Variants in TGFBRAP1 observed in about 807,000 individuals in gnomAD.
The protein encoded by TGFBRAP1 is transforming growth factor-beta receptor-associated protein 1.
Under a neutral mutation model 83.2 loss-of-function variants are expected in TGFBRAP1, and 20 were observed. The ratio of observed to expected loss-of-function variants is 0.24; its 90% CI spans 0.17 to 0.35. The LOEUF is 0.35. TGFBRAP1 is among the 10% of genes least tolerant of loss of function. The pLI is 1.00. For missense variants in TGFBRAP1, 950 were observed against 1,099.4 expected, an observed-to-expected ratio of 0.86 and a Z score of 1.92; for synonymous variants, 415 against 459.8, an observed-to-expected ratio of 0.90 and a Z score of 1.25.
intron 8 of TGFBRAP1, among the ~76,000 whole-genome samples, chr2:105,275,178 C>G (rs1483387418): frequency 6.6e-6 from 1 of 152,178 alleles, no homozygotes; most frequent in African/African-American, 2.4e-5. Flanking sequence ...AAGATCAAGT[C>G]CTTCAGGGCA....
At chr2:105,280,168 C>A (rs1407134342) in intron 6 of TGFBRAP1, among the ~76,000 whole-genome samples, 1 of 152,144 alleles carries the variant, frequency 6.6e-6, no homozygotes, top group East Asian at 1.9e-4. Flanking sequence ...CCCTCCAAGA[C>A]CCCTTCAAGG....
chr2:105,264,158 T>G (rs149477639), downstream of TGFBRAP1, among the ~76,000 whole-genome samples: 1 of 152,126 alleles, frequency 6.6e-6, no homozygotes, highest in Non-Finnish European at 1.5e-5. Flanking sequence ...AAAGGTAAAG[T>G]AGATAAGAAG....
At chr2:105,313,225 G>A (rs901584880) in intron 1 of TGFBRAP1, among the ~76,000 whole-genome samples, 1 of 152,202 alleles carries the variant, frequency 6.6e-6, no homozygotes, top group Non-Finnish European at 1.5e-5. Context: ...CATGGGGTGG[G>A]CGCCACAGAT....
At chr2:105,323,927 G>A in intron 1 of TGFBRAP1, among the ~76,000 whole-genome samples, 1 of 152,124 alleles carries the variant, frequency 6.6e-6, no homozygotes, top group East Asian at 1.9e-4. Flanking sequence ...CATGGGAATT[G>A]GAGGAGTTTA....
downstream of TGFBRAP1, among the ~76,000 whole-genome samples, chr2:105,260,062 T>C (rs1319797153): frequency 6.6e-6 from 1 of 152,248 alleles, no homozygotes; most frequent in African/African-American, 2.4e-5. Flanking sequence ...ACACTCTTGG[T>C]GACTACACTA....
chr2:105,278,124 CAACA>C (rs1411671547), intron 6 of TGFBRAP1, among the ~76,000 whole-genome samples: 7 of 143,136 alleles, frequency 4.9e-5, no homozygotes, highest in Non-Finnish European at 9.1e-5. Flanking sequence ...AGTTCAACAA[CAACA>C]AACAAACAAC....
At chr2:105,262,827 T>C (rs894810137), downstream of TGFBRAP1, among the ~76,000 whole-genome samples, 1 of 152,228 alleles carries the variant, frequency 6.6e-6, no homozygotes, top group African/African-American at 2.4e-5. Context: ...AAAAGTAGGC[T>C]TCATTAATTC....
At chr2:105,315,521 A>G (rs1008893844) in intron 1 of TGFBRAP1, among the ~76,000 whole-genome samples, 4 of 152,234 alleles carry the variant, frequency 2.6e-5, no homozygotes, top group Admixed American at 2.6e-4. Flanking sequence ...CAAACTAATA[A>G]CAAGAAGACA....
intron 4 of TGFBRAP1, among the ~76,000 whole-genome samples, chr2:105,287,930 C>T (rs369632496): frequency 6.6e-5 from 10 of 152,130 alleles, no homozygotes; most frequent in African/African-American, 2.2e-4. Context: ...ATGGCAGCAC[C>T]GACACCTTCA....
chr2:105,310,517 A>T (rs1388660154), intron 1 of TGFBRAP1, among the ~76,000 whole-genome samples: 2 of 152,100 alleles, frequency 1.3e-5, no homozygotes, highest in Non-Finnish European at 2.9e-5. Context: ...TATGGAAAAG[A>T]GCTGGGGGAA....
rs1212304906 is a variant in TGFBRAP1, at chr2:105,264,907, G to A, written c.*2476C>T. The A allele has an allele frequency of 2.0e-5, 3 of 152,196 alleles. No homozygotes were observed. The highest frequency in any genetic ancestry group is 7.2e-5 in the African/African-American group (3 of 41,446). The allele number at this position is 152,196 out of a possible 1,614,324, so 9.4% of individuals were successfully genotyped here. A position where few individuals can be genotyped will look rare whatever the true frequency, so the allele number is the denominator to read the frequency against. On this transcript the variant is annotated 3_prime_UTR_variant, in exon 12 of 12. Transcript: ENST00000393359. ...TCTGATGGATCTAATTGCTCTATTCGATGGCACAGTTACAAATCAGCAGGC... is the reference window on the plus strand; with the variant it reads ...TCTGATGGATCTAATTGCTCTATTCAATGGCACAGTTACAAATCAGCAGGC...
At chr2:105,326,484 G>A (rs538188700) in intron 1 of TGFBRAP1, among the ~76,000 whole-genome samples, 13 of 152,278 alleles carry the variant, frequency 8.5e-5, no homozygotes, top group Non-Finnish European at 1.3e-4. Context: ...TCGGGAGGCC[G>A]AGGCAGATGG....
At chr2:105,307,483 C>G (rs1224081196) in intron 2 of TGFBRAP1, 131 bp downstream of exon 2, 4 of 989,254 alleles carry the variant, frequency 4.0e-6, no homozygotes, top group Non-Finnish European at 1.5e-6. Context: ...GCACTGCTAC[C>G]TCTGTCTTGC....
intron 4 of TGFBRAP1, 136 bp from the exon 5 acceptor site, chr2:105,284,534 A>T (rs1292357353): frequency 1.2e-5 from 8 of 685,686 alleles, no homozygotes; most frequent in Admixed American, 2.6e-5. Flanking sequence ...AACAAGGTGC[A>T]TATGAAATTA....
intron 2 of TGFBRAP1, among the ~76,000 whole-genome samples, chr2:105,304,564 C>A (rs1317918995): frequency 6.6e-6 from 1 of 152,222 alleles, no homozygotes; most frequent in Non-Finnish European, 1.5e-5. Context: ...GGGTGGATCA[C>A]CTGAGGTCAG....
intron 4 of TGFBRAP1, among the ~76,000 whole-genome samples, chr2:105,290,687 G>C (rs563990956): frequency 1.3e-4 from 20 of 149,512 alleles, no homozygotes; most frequent in Non-Finnish European, 2.5e-4. Context: ...TGGATTCTGG[G>C]TTTTCAAATA....
chr2:105,269,423 T>A lies in TGFBRAP1; in HGVS notation c.2255A>T (p.Gln752Leu), dbSNP rs909311204. The A allele has an allele frequency of 6.2e-7, 1 of 1,613,854 alleles. No homozygotes were observed. Among genetic ancestry groups the A allele is most frequent in the Non-Finnish European group, 8.5e-7 (1 of 1,180,006 alleles). The change falls in exon 11 of 12, where the codon CAG (glutamine) becomes CTG (leucine). Residue 752 changes from glutamine (Q) to leucine (L), a missense_variant. Physicochemically the swap from Gln to Leu is moderately radical, Grantham distance 113 (BLOSUM62 -2). Coordinates refer to ENST00000393359, the MANE Select transcript of TGFBRAP1 (RefSeq NM_004257.6). The surrounding 1 kb of genome is among the most constrained non-coding windows in gnomAD (Gnocchi z 4.1). The part of the protein sequence containing the change: ...NRHATEFDAA[Q>L]VLQMLPDTWS... The stretch of plus-strand genomic sequence containing the variant: ...GGTGTCAGGCAGCATCTGCAGCACC[T>A]GGGCTGCATCAAATTCGGTGGCGTG...
Sources: allele counts gnomAD v4.1 joint callset (sites outside exome capture counted in the v4.1 genomes callset), GRCh38; gene constraint gnomAD v4.1.1; non-coding constraint Gnocchi (gnomAD v3.1); transcripts MANE v1.5; gene names NCBI Gene and HGNC (gene_info 2026-07-23, HGNC 2026-07-21).